CDH7: variants seen among roughly 807,000 people sequenced by gnomAD.
CDH7 encodes cadherin 7.
Under a neutral mutation model 71.8 loss-of-function variants are expected in CDH7, and 25 were observed. That is an observed-to-expected ratio of 0.35 (90% CI 0.25 to 0.49). The LOEUF (loss-of-function observed/expected upper bound fraction) is 0.49. CDH7 is among the 20% of genes least tolerant of loss of function. The pLI is 0.99. For synonymous variants in CDH7, 381 were observed against 363.8 expected (o/e 1.05, Z -0.54); for missense variants, 862 against 974.6 (o/e 0.88, Z 1.54).
intron 2 of CDH7, among the ~76,000 whole-genome samples, chr18:65,778,897 A>G (rs1166139913): frequency 1.3e-5 from 2 of 152,054 alleles, no homozygotes; most frequent in Non-Finnish European, 2.9e-5. Flanking sequence ...TTTTTCTTCT[A>G]CAAACTAATA....
intron 3 of CDH7, among the ~76,000 whole-genome samples, chr18:65,811,746 G>C (rs1415276698): frequency 6.6e-6 from 1 of 151,952 alleles, no homozygotes; most frequent in Non-Finnish European, 1.5e-5. Flanking sequence ...GTTCTTCATT[G>C]GCTTGCTAAG....
chr18:65,779,067 ACT>A (rs1910074609), intron 2 of CDH7, among the ~76,000 whole-genome samples: 1 of 126,040 alleles, frequency 7.9e-6, no homozygotes, highest in African/African-American at 3.4e-5. Context: ...GAGTCAAATC[ACT>A]GTTTGTTTGT....
intron 6 of CDH7, among the ~76,000 whole-genome samples, chr18:65,830,344 GA>G (rs760608841): frequency 4.3e-4 from 66 of 152,254 alleles, no homozygotes; most frequent in Middle Eastern, 3.4e-3. Flanking sequence ...AATAAAATAT[GA>G]GTAGAAAATT....
intron 7 of CDH7, among the ~76,000 whole-genome samples, chr18:65,851,203 G>T (rs1213691077): frequency 6.6e-6 from 1 of 152,094 alleles, no homozygotes; most frequent in African/African-American, 2.4e-5. Flanking sequence ...CACACAGTTA[G>T]CAAATATGGT....
At chr18:65,765,045 A>G (rs1273798573) in intron 2 of CDH7, among the ~76,000 whole-genome samples, 1 of 152,080 alleles carries the variant, frequency 6.6e-6, no homozygotes. Flanking sequence ...CTCTCTTCCA[A>G]CTAATCAAAG....
chr18:65,863,080 C>T (rs1264146600), intron 11 of CDH7, 163 bp downstream of exon 11: 4 of 742,354 alleles, frequency 5.4e-6, no homozygotes, highest in African/African-American at 3.5e-5. Context: ...CTCTGTTGCC[C>T]AGGCTGGAGT....
intron 2 of CDH7, among the ~76,000 whole-genome samples, chr18:65,789,587 A>T (rs1220858156): frequency 6.6e-6 from 1 of 152,146 alleles, no homozygotes; most frequent in Non-Finnish European, 1.5e-5. Context: ...ATGGTGGGTA[A>T]GACAGGAGAC....
chr18:65,824,365 G>A lies in CDH7; in HGVS notation c.794-279G>A, dbSNP rs1912047422. Among the ~76,000 whole-genome samples, 6 of 151,300 alleles carry A rather than the reference G, an allele frequency of 4.0e-5. No individual in the cohort carries two copies. The South Asian group carries it at 1.2e-3, about 31-fold the overall frequency. ...TTTAAATTTATTTTTATTTTTCAGT[G>A]TAGGATATTTCTCACTGCCAGAAAT... On this transcript the variant is annotated intron_variant, in intron 5 of 11. Transcript: ENST00000397968.
At chr18:65,839,935 T>C (rs1912666798) in intron 6 of CDH7, among the ~76,000 whole-genome samples, 1 of 152,212 alleles carries the variant, frequency 6.6e-6, no homozygotes, top group African/African-American at 2.4e-5. Flanking sequence ...AAGATGGTTT[T>C]ACATTTTTAA....
chr18:65,754,921 A>G (rs1284294488), intron 1 of CDH7, among the ~76,000 whole-genome samples: 1 of 152,186 alleles, frequency 6.6e-6, no homozygotes, highest in Non-Finnish European at 1.5e-5. Context: ...TTAAATTTGG[A>G]TAGAGCTCAC....
At chr18:65,860,582 T>G (rs2144033916) in intron 10 of CDH7, among the ~76,000 whole-genome samples, 1 of 152,276 alleles carries the variant, frequency 6.6e-6, no homozygotes, top group South Asian at 2.1e-4. Flanking sequence ...AGATATTTAT[T>G]TTAGTGGAAG....
intron 7 of CDH7, among the ~76,000 whole-genome samples, chr18:65,845,803 G>T (rs1363305575): frequency 1.3e-5 from 2 of 152,028 alleles, no homozygotes; most frequent in Non-Finnish European, 2.9e-5. Flanking sequence ...AATGCCTGTA[G>T]TTCTAGCAAC....
At chr18:65,755,301 A>G (rs1349601389) in intron 1 of CDH7, among the ~76,000 whole-genome samples, 1 of 152,222 alleles carries the variant, frequency 6.6e-6, no homozygotes, top group African/African-American at 2.4e-5. Flanking sequence ...TGTTCAAAGT[A>G]AAGCAAGGGC....
At position 65,857,964 on chromosome 18, in the gene CDH7, G is replaced by C; in HGVS notation, c.1372+12G>C. ...TGCAATGGAGAGCCGTAAGTTGTGA[G>C]GCTTAAAACTAAATTAAGATGGAGG... On this transcript the variant is annotated intron_variant, in intron 8 of 11. Transcript: ENST00000397968. The C allele has an allele frequency of 6.2e-7, 1 of 1,611,488 alleles. No individual in the cohort carries two copies. The highest frequency in any genetic ancestry group is 1.1e-5 in the South Asian group (1 of 90,774).
chr18:65,771,642 C>A (rs1916545972), intron 2 of CDH7, among the ~76,000 whole-genome samples: 1 of 151,514 alleles, frequency 6.6e-6, no homozygotes, highest in African/African-American at 2.4e-5. Flanking sequence ...TGCCACTGCA[C>A]TCCAGCCTGG....
At position 65,814,601 on chromosome 18, in the gene CDH7, A is replaced by G. The variant is rs781238562; in HGVS notation, c.622A>G (p.Thr208Ala). The G allele has an allele frequency of 1.9e-6, 3 of 1,606,384 alleles. No individual in the cohort carries two copies. Among genetic ancestry groups the G allele is most frequent in the South Asian group, 1.1e-5 (1 of 89,570 alleles). Reference sequence around the variant, plus strand: ...GCCGTACTTCTCAGTGGAGCCAAAGACAGGTAAAAATTGAAATGTGACATT... The same window carrying G: ...GCCGTACTTCTCAGTGGAGCCAAAGGCAGGTAAAAATTGAAATGTGACATT... ...GQPYFSVEPKTGVIKTALPNM... is the reference protein window; with the variant it reads ...GQPYFSVEPKAGVIKTALPNM... The change falls in exon 4 of 12, where the codon ACA becomes GCA. Residue 208 changes from threonine (T) to alanine (A), a missense_variant. Physicochemically the swap from Thr to Ala is moderately conservative, Grantham distance 58. Coordinates refer to ENST00000397968, the MANE Select transcript of CDH7 (RefSeq NM_004361.5).
intron 11 of CDH7, among the ~76,000 whole-genome samples, chr18:65,869,378 A>G (rs1372551630): frequency 6.6e-6 from 1 of 152,028 alleles, no homozygotes; most frequent in Non-Finnish European, 1.5e-5. Flanking sequence ...TCTACAGACT[A>G]AAATCACAGA....
At chr18:65,816,095 A>G (rs1285526323) in intron 4 of CDH7, among the ~76,000 whole-genome samples, 1 of 152,180 alleles carries the variant, frequency 6.6e-6, no homozygotes. Flanking sequence ...AGACAATGGT[A>G]TATGTCTTAG....
chr18:65,859,893 C>T (rs1271224841), intron 10 of CDH7, 68 bp downstream of exon 10: 2 of 926,872 alleles, frequency 2.2e-6, no homozygotes, highest in Middle Eastern at 2.6e-4. Context: ...ATTTTTCTCC[C>T]CAGGAATGCT....
Sources: gnomAD v4.1 joint callset for allele counts (sites outside exome capture counted in the v4.1 genomes callset) on GRCh38, gnomAD v4.1.1 for gene constraint, MANE v1.5 for transcripts, NCBI Gene and HGNC (gene_info 2026-07-23, HGNC 2026-07-21) for gene names.